The following FLT4 variants were observed in gnomAD, a reference collection of about 807,000 sequenced individuals.
FLT4 encodes fms related receptor tyrosine kinase 4.
In FLT4, 30 loss-of-function variants were observed where a neutral mutation model predicts 163.2. The observed-to-expected ratio is 0.18, with a 90% CI of 0.14 to 0.25. The LOEUF is 0.25. Ranked by LOEUF, FLT4 falls within the 10% of genes least tolerant of loss-of-function variation. FLT4 has a pLI of 1.00. For missense variants in FLT4, 1,510 were observed against 1,863.8 expected (o/e 0.81, Z 3.50); for synonymous variants, 884 against 789.5 (o/e 1.12, Z -2.01).
chr5:180,624,421 G>A (rs1763442659), intron 10 of FLT4, among the ~76,000 whole-genome samples: 1 of 152,084 alleles, frequency 6.6e-6, no homozygotes, highest in African/African-American at 2.4e-5. Context: ...TAGAGTCGGG[G>A]TTTCTCCATG....
At chr5:180,611,588 C>A in intron 26 of FLT4, 109 bp from the exon 27 acceptor site, 1 of 1,205,422 alleles carries the variant, frequency 8.3e-7, no homozygotes, top group Non-Finnish European at 1.2e-6. Flanking sequence ...CCCCCGCCCT[C>A]AGCCCTCGCC....
At chr5:180,642,379 G>C (rs1765196516) in intron 1 of FLT4, among the ~76,000 whole-genome samples, 2 of 152,078 alleles carry the variant, frequency 1.3e-5, no homozygotes, top group African/African-American at 4.8e-5. Context: ...AGCTGAAAGG[G>C]GCATTGTAGA....
At chr5:180,649,449 GC>G (rs916636291) in intron 1 of FLT4, 38 bp downstream of exon 1, 2 of 1,425,824 alleles carry the variant, frequency 1.4e-6, no homozygotes, top group African/African-American at 1.5e-5. Flanking sequence ...TCCCCGGCCA[GC>G]CCCACGCTCG....
At chr5:180,643,878 G>A (rs1228084951) in intron 1 of FLT4, among the ~76,000 whole-genome samples, 1 of 151,580 alleles carries the variant, frequency 6.6e-6, no homozygotes, top group Non-Finnish European at 1.5e-5. Context: ...CTGTAGTGCA[G>A]TGGCACGGTC....
chr5:180,624,744 C>T (rs1763466672), intron 10 of FLT4, among the ~76,000 whole-genome samples: 1 of 152,364 alleles, frequency 6.6e-6, no homozygotes, highest in East Asian at 1.9e-4. Context: ...CATCTCTGCC[C>T]AGCCTCTCCC....
rs1037354645 is a variant in FLT4, at chr5:180,629,641, T to C, written c.816+55A>G. 1.9e-6 allele frequency: 3 copies of C among 1,587,224 alleles called. No homozygotes were observed. In the South Asian group the frequency reaches 3.4e-5, roughly 18 times the overall value. On this transcript the variant is annotated intron_variant, in intron 6 of 29. Coordinates refer to ENST00000261937, the MANE Select transcript of FLT4 (RefSeq NM_182925.5). ...CCACGCGGAGGCCCAGTGTGTGCTGTACAGTCACAGGGACTCCTGGGGACA... is the reference window on the plus strand; with the variant it reads ...CCACGCGGAGGCCCAGTGTGTGCTGCACAGTCACAGGGACTCCTGGGGACA...
At position 180,629,240 on chromosome 5, in the gene FLT4, C is replaced by T; in HGVS notation, c.985+19G>A. On this transcript the variant is annotated intron_variant, in intron 7 of 29. Transcript: ENST00000261937. ...CCCAGGCCCACAGGGCACAAGGACC[C>T]TGGTTTCCCAGGCCATACCATGCAC... 1 of 1,612,608 alleles carries T rather than the reference C, an allele frequency of 6.2e-7. No individual in the cohort carries two copies. The highest frequency in any genetic ancestry group is 8.5e-7 in the Non-Finnish European group (1 of 1,179,910).
chr5:180,611,631 T>A, intron 26 of FLT4, 152 bp from the exon 27 acceptor site: 1 of 797,904 alleles, frequency 1.3e-6, no homozygotes, highest in Admixed American at 2.2e-5. Flanking sequence ...GCCCTCGCCC[T>A]GCCCTCAGCC....
chr5:180,611,526 G>GCCCTCAGCCCTCGCCCCCA (rs751250906), intron 26 of FLT4, 47 bp from the exon 27 acceptor site: 12 of 1,603,094 alleles, frequency 7.5e-6, no homozygotes, highest in Admixed American at 1.7e-5. Flanking sequence ...ACCAGCCACT[G>GCCCTCAGCCCTCGCCCCCA]CCCTCAGCCC....
Position 180,620,132 on chromosome 5 carries a change from G to A in FLT4, c.2542+41C>T. 2.5e-6 allele frequency: 4 copies of A among 1,586,132 alleles called. No individual in the cohort carries two copies. The highest frequency in any genetic ancestry group is 2.6e-6 in the Non-Finnish European group (3 of 1,169,122). ...CACTCCGGCCTGCAGCAGGTGGGTC[G>A]GGCAGGAGGTGTGGGTTGGGCAGGC... is the stretch of plus-strand genomic sequence containing the variant. On this transcript the variant is annotated intron_variant, in intron 17 of 29. Coordinates refer to ENST00000261937, the MANE Select transcript of FLT4 (RefSeq NM_182925.5). The surrounding 1 kb of genome is among the most constrained non-coding windows in gnomAD (Gnocchi z 4.4).
chr5:180,622,162 G>A (rs1763201659), intron 12 of FLT4, among the ~76,000 whole-genome samples: 1 of 152,112 alleles, frequency 6.6e-6, no homozygotes, highest in African/African-American at 2.4e-5. Context: ...CGTGTTCCCT[G>A]GCTTTTCCCA....
upstream of FLT4, among the ~76,000 whole-genome samples, chr5:180,650,169 CAAAA>C (rs397719371): frequency 2.7e-4 from 22 of 82,278 alleles, no homozygotes; most frequent in Admixed American, 1.2e-3. Flanking sequence ...GTCTGGGAGC[CAAAA>C]AAAAAAAAAA....
At position 180,629,912 on chromosome 5, in the gene FLT4, C is replaced by T. The variant is rs367781762; in HGVS notation, c.676+31G>A. 728 of 1,612,644 alleles carry T rather than the reference C, an allele frequency of 4.5e-4. 3 individuals carry two copies. The African/African-American group carries it at 8.6e-3, about 19-fold the overall frequency. ...GAGGCCAGTGAGGCAGTGACAGCCC[C>T]GTTACTGGGAACGGGGCACAGCCCT... On this transcript the variant is annotated intron_variant, in intron 5 of 29. Transcript: ENST00000261937.
chr5:180,608,925 C>T, intron 29 of FLT4, 43 bp downstream of exon 29: 2 of 1,521,830 alleles, frequency 1.3e-6, no homozygotes, highest in African/African-American at 1.4e-5. Flanking sequence ...CAGGGGAGGG[C>T]AACATCGATA....
At chr5:180,603,796 C>G (rs955195721) in intron 29 of FLT4, among the ~76,000 whole-genome samples, 1 of 151,890 alleles carries the variant, frequency 6.6e-6, no homozygotes. Flanking sequence ...CCCAGCTACT[C>G]GGGAGGCTGA....
At position 180,619,113 on chromosome 5, in the gene FLT4, C is replaced by CG; in HGVS notation, c.2762-5dup. 1 of 1,515,074 alleles carries CG rather than the reference C, an allele frequency of 6.6e-7. No homozygotes were observed. The highest frequency in any genetic ancestry group is 1.2e-5 in the South Asian group (1 of 80,694). 93.9% of individuals were successfully genotyped at this position (1,515,074 alleles called of 1,614,324 possible). ...TCCACGATCACCATGAGGGGGCCTGCGGCGGGACCGGGCGGCGGCCGTGCG... is the reference window on the plus strand; with the variant it reads ...TCCACGATCACCATGAGGGGGCCTGCGGGCGGGACCGGGCGGCGGCCGTGCG... On this transcript the variant is annotated splice_polypyrimidine_tract_variant and splice_region_variant and intron_variant, in intron 19 of 29. Coordinates refer to ENST00000261937, the MANE Select transcript of FLT4 (RefSeq NM_182925.5).
At chr5:180,622,274 GTGCCC>G (rs1325325142) in intron 12 of FLT4, among the ~76,000 whole-genome samples, 200 of 125,776 alleles carry the variant, frequency 1.6e-3, no homozygotes, top group Non-Finnish European at 2.1e-3. Flanking sequence ...CTCTCTGCTG[GTGCCC>G]TGATCTACAT....
At chr5:180,631,597 G>C in intron 2 of FLT4, 85 bp downstream of exon 2, 1 of 1,089,574 alleles carries the variant, frequency 9.2e-7, no homozygotes, top group Non-Finnish European at 1.4e-6. Context: ...CTGGGAGGGG[G>C]CTGCCATCTG....
At chr5:180,606,143 C>T (rs928199011) in intron 29 of FLT4, among the ~76,000 whole-genome samples, 9 of 152,192 alleles carry the variant, frequency 5.9e-5, no homozygotes, top group Non-Finnish European at 1.0e-4. Flanking sequence ...CCTCTGCTGC[C>T]GATACAGGGT....
Sources: gnomAD v4.1 joint callset for allele counts (sites outside exome capture counted in the v4.1 genomes callset) on GRCh38, gnomAD v4.1.1 for gene constraint, Gnocchi (gnomAD v3.1) non-coding constraint, MANE v1.5 for transcripts, NCBI Gene and HGNC (gene_info 2026-07-23, HGNC 2026-07-21) for gene names.